The following ERC1 variants were observed in gnomAD, a reference collection of about 807,000 sequenced individuals.
ERC1 encodes ELKS/RAB6-interacting/CAST family member 1.
Under a neutral mutation model 132.0 loss-of-function variants are expected in ERC1, and 56 were observed. The ratio of observed to expected loss-of-function variants is 0.42; its 90% CI spans 0.34 to 0.53. ERC1 has a LOEUF of 0.53. Among genes scored for constraint, ERC1 ranks in the 20% least tolerant of loss-of-function variants. The probability of loss-of-function intolerance (pLI) is 0.03; values close to 1 mark genes in which losing one functional copy is unlikely to be tolerated. For synonymous variants in ERC1, 478 were observed against 476.1 expected (o/e 1.00, Z -0.05); for missense variants, 1,202 against 1,349.9 (o/e 0.89, Z 1.72).
rs543922744 is a variant in ERC1 at position 1,303,411 on chromosome 12, C to T, written c.2780+13399C>T. Among the ~76,000 whole-genome samples, 306 of 147,602 alleles carry T rather than the reference C, an allele frequency of 2.1e-3. 2 individuals carry two copies. Among genetic ancestry groups the T allele is most frequent in the African/African-American group, 7.3e-3 (290 of 39,828 alleles). ...CAGCACTTTGGGAGGCCGAGGCAGG[C>T]GGATCACAAGGTCAGGAGATCGAGA... On this transcript the variant is annotated intron_variant, in intron 15 of 18. Transcript: ENST00000360905.
intron 2 of ERC1, among the ~76,000 whole-genome samples, chr12:1,042,138 C>A (rs185874699): frequency 1.3e-5 from 2 of 151,948 alleles, no homozygotes; most frequent in Non-Finnish European, 2.9e-5. Context: ...CCCAGGTTCA[C>A]GCCATTCTCC....
At chr12:1,424,830 G>C (rs917442348) in intron 17 of ERC1, among the ~76,000 whole-genome samples, 5 of 125,086 alleles carry the variant, frequency 4.0e-5, no homozygotes, top group Non-Finnish European at 7.1e-5. Flanking sequence ...TAGATAGATA[G>C]ATAGATAGAT....
At chr12:1,370,149 T>C (rs1222104378) in intron 15 of ERC1, among the ~76,000 whole-genome samples, 1 of 152,258 alleles carries the variant, frequency 6.6e-6, no homozygotes, top group Non-Finnish European at 1.5e-5. Context: ...AAATATGTCT[T>C]CTTTCATAAA....
intron 18 of ERC1, 133 bp downstream of exon 18, chr12:1,444,883 C>T (rs568374906): frequency 1.0e-5 from 7 of 690,638 alleles, no homozygotes; most frequent in South Asian, 4.4e-5. Flanking sequence ...TGGGGAATCC[C>T]GTTGCTGTGT....
chr12:1,233,427 C>T (rs934700302), intron 12 of ERC1, among the ~76,000 whole-genome samples: 14 of 144,988 alleles, frequency 9.7e-5, no homozygotes, highest in African/African-American at 3.4e-4. Context: ...GCCAACATTG[C>T]GCCACTGCAC....
chr12:1,358,843 G>C (rs948497690), intron 15 of ERC1, among the ~76,000 whole-genome samples: 1 of 152,156 alleles, frequency 6.6e-6, no homozygotes, highest in Non-Finnish European at 1.5e-5. Context: ...AAGAGATGAA[G>C]CTAAGTAGTA....
chr12:1,213,902 C>T (rs536279483), intron 12 of ERC1, among the ~76,000 whole-genome samples: 58 of 150,232 alleles, frequency 3.9e-4, no homozygotes, highest in Non-Finnish European at 6.8e-4. Flanking sequence ...GACTCTGTCT[C>T]CAAAAAAAAA....
chr12:1,074,592 G>A (rs1941034514), intron 2 of ERC1, among the ~76,000 whole-genome samples: 1 of 152,088 alleles, frequency 6.6e-6, no homozygotes, highest in Admixed American at 6.6e-5. Flanking sequence ...CACTGCACCC[G>A]ACCACATTTT....
intron 13 of ERC1, among the ~76,000 whole-genome samples, chr12:1,243,193 CA>C (rs1336288698): frequency 0.098 from 6,957 of 70,700 alleles, 213 homozygotes; most frequent in African/African-American, 0.19. Context: ...GACTCCGTCT[CA>C]AAAAAAAAAA....
chr12:1,000,164 T>G (rs1297761262), intron 1 of ERC1, among the ~76,000 whole-genome samples: 1 of 152,140 alleles, frequency 6.6e-6, no homozygotes, highest in African/African-American at 2.4e-5. Flanking sequence ...TTAATGCATT[T>G]ATGTTTGGAA....
At chr12:1,199,398 A>G (rs1408153268) in intron 12 of ERC1, among the ~76,000 whole-genome samples, 2 of 152,224 alleles carry the variant, frequency 1.3e-5, no homozygotes, top group Non-Finnish European at 2.9e-5. Flanking sequence ...GTGGACTACC[A>G]AGACAACCTA....
intron 16 of ERC1, among the ~76,000 whole-genome samples, chr12:1,393,928 A>T (rs35098918): frequency 6.9e-6 from 1 of 145,178 alleles, no homozygotes; most frequent in Non-Finnish European, 1.5e-5. Context: ...AGGCAGGAGA[A>T]TGGCGTGAAC....
At chr12:1,050,434 A>G (rs527898428) in intron 2 of ERC1, among the ~76,000 whole-genome samples, 2 of 152,120 alleles carry the variant, frequency 1.3e-5, no homozygotes, top group Non-Finnish European at 2.9e-5. Context: ...CAGCACTATG[A>G]GCTTTACTAT....
At chr12:1,167,090 C>T (rs1201032984) in intron 8 of ERC1, among the ~76,000 whole-genome samples, 3 of 152,016 alleles carry the variant, frequency 2.0e-5, no homozygotes, top group East Asian at 3.8e-4. Context: ...GTGTTTTGAC[C>T]GAGCACACAT....
chr12:1,341,389 A>G (rs1323738011), intron 15 of ERC1, among the ~76,000 whole-genome samples: 3 of 151,980 alleles, frequency 2.0e-5, no homozygotes, highest in Non-Finnish European at 4.4e-5. Context: ...ACTATTCACG[A>G]TAGCAAAGAC....
chr12:1,132,122 GT>G (rs1485841067), intron 7 of ERC1, among the ~76,000 whole-genome samples: 1 of 152,208 alleles, frequency 6.6e-6, no homozygotes. Context: ...CAAAAGATCA[GT>G]GTAGAATTCA....
At chr12:1,033,298 A>C (rs1363579413) in intron 2 of ERC1, among the ~76,000 whole-genome samples, 1 of 151,024 alleles carries the variant, frequency 6.6e-6, no homozygotes, top group African/African-American at 2.4e-5. Context: ...AGCCTCCCAA[A>C]GTGCTGGGAT....
intron 15 of ERC1, among the ~76,000 whole-genome samples, chr12:1,320,617 A>G (rs1808798224): frequency 6.6e-6 from 1 of 152,246 alleles, no homozygotes; most frequent in Admixed American, 6.5e-5. Flanking sequence ...GTCATTTCAC[A>G]TGTATGCAAG....
rs562540382 is a variant in ERC1 at position 1,394,028 on chromosome 12, A to C, written c.2926-14121A>C. 1.6e-4 allele frequency among the ~76,000 whole-genome samples: 19 copies of C among 119,570 alleles called. 1 individual carries two copies. In the East Asian group the frequency reaches 3.4e-3, roughly 21 times the overall value. The allele number at this position is 119,570 out of a possible 152,430, so 78.4% of individuals were successfully genotyped here. A position where few individuals can be genotyped will look rare whatever the true frequency, so the allele number is the denominator to read the frequency against. On this transcript the variant is annotated intron_variant, in intron 16 of 18. Coordinates refer to ENST00000360905, the MANE Select transcript of ERC1 (RefSeq NM_178040.4). ...GAGACTCCGTCTCAAAAAAAAAAAA[A>C]AAAAACAAAAAAAAAACCACAAAGC...
Sources: gnomAD v4.1 joint callset for allele counts (sites outside exome capture counted in the v4.1 genomes callset) on GRCh38, gnomAD v4.1.1 for gene constraint, MANE v1.5 for transcripts, NCBI Gene and HGNC (gene_info 2026-07-23, HGNC 2026-07-21) for gene names.